The following CAPN7 variants were observed in gnomAD, a reference collection of about 807,000 sequenced individuals.
CAPN7 encodes calpain 7, also known as calpain-7.
A neutral mutation model predicts 115.2 loss-of-function variants in CAPN7; 72 were observed. That is an observed-to-expected ratio of 0.63 (90% confidence interval 0.52 to 0.76). The LOEUF (loss-of-function observed/expected upper bound fraction) is 0.76. CAPN7 is among the 30% of genes least tolerant of loss of function. The pLI is 0.00. For missense variants in CAPN7, 905 were observed against 971.5 expected (o/e 0.93, Z 0.91); for synonymous variants, 344 against 322.3 (o/e 1.07, Z -0.72).
At chr3:15,211,889 C>G (rs2044974834) in intron 1 of CAPN7, among the ~76,000 whole-genome samples, 1 of 150,568 alleles carries the variant, frequency 6.6e-6, no homozygotes, top group Non-Finnish European at 1.5e-5. Flanking sequence ...AACTCTGTCT[C>G]AAAAAAGAAA....
intron 1 of CAPN7, among the ~76,000 whole-genome samples, chr3:15,211,205 C>G (rs1575154001): frequency 6.6e-6 from 1 of 152,054 alleles, no homozygotes; most frequent in Non-Finnish European, 1.5e-5. Context: ...TGTGTAATCT[C>G]CTGTAATCTT....
chr3:15,207,867 A>G (rs1009066109), intron 1 of CAPN7, among the ~76,000 whole-genome samples: 3 of 152,194 alleles, frequency 2.0e-5, no homozygotes, highest in Non-Finnish European at 2.9e-5. Flanking sequence ...ACTTTTTTTT[A>G]TAAAAGGAGT....
chr3:15,217,303 G>C (rs951387582), intron 2 of CAPN7, 122 bp from the exon 3 acceptor site: 1 of 848,566 alleles, frequency 1.2e-6, no homozygotes, highest in Admixed American at 3.6e-5. Context: ...TTTTAACCTT[G>C]CTAAGTTTTT....
Position 15,241,594 on chromosome 3 carries a change from G to C in CAPN7, c.1788+6G>C. 8 of 1,611,954 alleles carry C rather than the reference G, an allele frequency of 5.0e-6. No homozygotes were observed. Among genetic ancestry groups the C allele is most frequent in the Non-Finnish European group, 6.8e-6 (8 of 1,179,024 alleles). On this transcript the variant is annotated splice_donor_region_variant and intron_variant, in intron 15 of 20. Transcript: ENST00000253693. Reference sequence around the variant, plus strand: ...GTAGACACATAACAGACAAGGTACTGATACCCTTCTAATGATATCCCATAC... The same window carrying C: ...GTAGACACATAACAGACAAGGTACTCATACCCTTCTAATGATATCCCATAC...
At chr3:15,221,329 G>GCCAC (rs1693970434) in intron 5 of CAPN7, among the ~76,000 whole-genome samples, 1 of 147,876 alleles carries the variant, frequency 6.8e-6, no homozygotes, top group Non-Finnish European at 1.5e-5. Context: ...ACAGGTGTGT[G>GCCAC]CCACCACATC....
At chr3:15,208,430 G>A (rs960805299) in intron 1 of CAPN7, among the ~76,000 whole-genome samples, 16 of 150,494 alleles carry the variant, frequency 1.1e-4, no homozygotes, top group Non-Finnish European at 2.1e-4. Flanking sequence ...GGGACTACAG[G>A]TAGACACAAC....
intron 12 of CAPN7, among the ~76,000 whole-genome samples, chr3:15,235,764 A>G (rs573690233): frequency 2.0e-5 from 3 of 152,308 alleles, no homozygotes; most frequent in Non-Finnish European, 4.4e-5. Context: ...ACCTCCTGCT[A>G]TGCGGCCCAG....
At chr3:15,208,397 C>T (rs1224160675) in intron 1 of CAPN7, among the ~76,000 whole-genome samples, 1 of 151,626 alleles carries the variant, frequency 6.6e-6, no homozygotes, top group Non-Finnish European at 1.5e-5. Flanking sequence ...AAGCAATCCT[C>T]CTGCCTCAGT....
At chr3:15,228,323 T>G (rs1694450147) in intron 7 of CAPN7, among the ~76,000 whole-genome samples, 1 of 152,218 alleles carries the variant, frequency 6.6e-6, no homozygotes, top group South Asian at 2.1e-4. Flanking sequence ...ATTATTTAAT[T>G]TTCTAGGATT....
intron 12 of CAPN7, among the ~76,000 whole-genome samples, chr3:15,239,554 G>A (rs1026463116): frequency 1.3e-5 from 2 of 152,170 alleles, no homozygotes; most frequent in Non-Finnish European, 2.9e-5. Context: ...GACTACATTT[G>A]TAGGAAACAG....
chr3:15,243,834 T>C (rs1353118836), intron 16 of CAPN7, among the ~76,000 whole-genome samples: 1 of 152,066 alleles, frequency 6.6e-6, no homozygotes, highest in Non-Finnish European at 1.5e-5. Flanking sequence ...AAGATAACTA[T>C]TGGGTCCTGG....
In CAPN7 at chr3:15,251,557, G is replaced by C. The variant is rs1696006396; in HGVS notation, c.*297G>C. ...ATTAAAATTAGACTCAGTCATCACT[G>C]TGAGATGCCTTTGCTAAGAGGATAA... is the stretch of plus-strand genomic sequence containing the variant. On this transcript the variant is annotated 3_prime_UTR_variant, in exon 21 of 21. Transcript: ENST00000253693. The C allele has an allele frequency of 9.6e-6, 2 of 208,126 alleles. No homozygotes were observed. Among genetic ancestry groups the C allele is most frequent in the Admixed American group, 5.8e-5 (1 of 17,368 alleles). The allele number at this position is 208,126 out of a possible 1,614,324, so 12.9% of individuals were successfully genotyped here.
intron 1 of CAPN7, among the ~76,000 whole-genome samples, chr3:15,208,225 TA>T (rs2044740909): frequency 6.6e-6 from 1 of 151,554 alleles, no homozygotes; most frequent in Non-Finnish European, 1.5e-5. Flanking sequence ...TTTTTTTTTT[TA>T]CAAACTGGTT....
chr3:15,215,814 A>T (rs2045218039), intron 2 of CAPN7, among the ~76,000 whole-genome samples: 1 of 151,496 alleles, frequency 6.6e-6, no homozygotes, highest in South Asian at 2.1e-4. Flanking sequence ...ATGTACACGC[A>T]GTGGCTCATG....
chr3:15,244,856 A>C (rs1695562304), intron 16 of CAPN7, among the ~76,000 whole-genome samples: 1 of 152,242 alleles, frequency 6.6e-6, no homozygotes, highest in Admixed American at 6.5e-5. Flanking sequence ...GGCAGTTATA[A>C]GAAATAAACT....
chr3:15,246,654 T>C (rs1695678743), intron 17 of CAPN7, 78 bp from the exon 18 acceptor site: 1 of 1,037,146 alleles, frequency 9.6e-7, no homozygotes, highest in African/African-American at 1.6e-5. Flanking sequence ...ATTTTTTTAG[T>C]CTTCCAATAT....
In CAPN7 at chr3:15,212,094, T is replaced by C; in HGVS notation, c.103-10T>C. The C allele has an allele frequency of 1.9e-6, 3 of 1,566,848 alleles. No individual in the cohort carries two copies. The highest frequency in any genetic ancestry group is 2.6e-6 in the Non-Finnish European group (3 of 1,151,576). ...ATCTATTGGATTCCTTTGAATTCTT[T>C]CATTTTTAGGAAGCTGCACAAGCCT... is the stretch of plus-strand genomic sequence containing the variant. On this transcript the variant is annotated splice_polypyrimidine_tract_variant and intron_variant, in intron 1 of 20. Coordinates refer to ENST00000253693, the MANE Select transcript of CAPN7 (RefSeq NM_014296.3).
intron 16 of CAPN7, 48 bp downstream of exon 16, chr3:15,242,301 T>C: frequency 8.6e-7 from 1 of 1,159,316 alleles, no homozygotes; most frequent in Non-Finnish European, 1.2e-6. Context: ...ACATAAGATT[T>C]TATTTATATG....
intron 16 of CAPN7, among the ~76,000 whole-genome samples, chr3:15,243,990 C>A (rs1695508162): frequency 1.3e-5 from 2 of 152,184 alleles, no homozygotes; most frequent in Admixed American, 6.5e-5. Flanking sequence ...GGCAGTCAGT[C>A]ATTGTTGACC....
Sources: gnomAD v4.1 joint callset for allele counts (sites outside exome capture counted in the v4.1 genomes callset) on GRCh38, gnomAD v4.1.1 for gene constraint, MANE v1.5 for transcripts, NCBI Gene and HGNC (gene_info 2026-07-23, HGNC 2026-07-21) for gene names.